Variants in MACROD2 observed in about 807,000 individuals in gnomAD.
MACROD2 encodes the protein ADP-ribose glycohydrolase MACROD2.
A neutral mutation model predicts 70.4 loss-of-function variants in MACROD2; 36 were observed. The observed-to-expected ratio is 0.51, with a 90% CI of 0.39 to 0.68. The LOEUF (loss-of-function observed/expected upper bound fraction) is 0.68. Ranked by LOEUF, MACROD2 falls within the 30% of genes least tolerant of loss-of-function variation. The pLI, the probability that MACROD2 is intolerant of heterozygous loss-of-function variation, is 0.00. For missense variants in MACROD2, 496 were observed against 538.4 expected (o/e 0.92, Z 0.78); for synonymous variants, 172 against 178.8 (o/e 0.96, Z 0.30).
At chr20:15,815,691 C>T (rs895912872) in intron 8 of MACROD2, among the ~76,000 whole-genome samples, 2 of 152,058 alleles carry the variant, frequency 1.3e-5, no homozygotes, top group Non-Finnish European at 2.9e-5. Context: ...GCAAGGACTT[C>T]CTGGAAAAAT....
At chr20:14,032,308 T>C (rs1465211634) in intron 2 of MACROD2, among the ~76,000 whole-genome samples, 1 of 152,166 alleles carries the variant, frequency 6.6e-6, no homozygotes, top group African/African-American at 2.4e-5. Context: ...GTGAGGATTT[T>C]TTGTGAGATT....
intron 6 of MACROD2, among the ~76,000 whole-genome samples, chr20:15,358,444 AT>A (rs11479347): frequency 0.44 from 66,401 of 151,140 alleles, 14,753 homozygotes; most frequent in Non-Finnish European, 0.48. Flanking sequence ...TGTTTTATCA[AT>A]TTTTTTTTTA....
chr20:15,058,139 C>G (rs781520887), intron 5 of MACROD2, among the ~76,000 whole-genome samples: 35 of 152,094 alleles, frequency 2.3e-4, no homozygotes, highest in Non-Finnish European at 4.3e-4. Flanking sequence ...TTTCTACTTT[C>G]TTTTTATACC....
chr20:14,554,983 TA>T (rs1293153231), intron 4 of MACROD2, among the ~76,000 whole-genome samples: 1 of 150,914 alleles, frequency 6.6e-6, no homozygotes, highest in African/African-American at 2.4e-5. Flanking sequence ...AGGTTAGAGG[TA>T]GGGGGTAGGG....
At chr20:15,310,184 C>T (rs1358920981) in intron 6 of MACROD2, among the ~76,000 whole-genome samples, 1 of 152,140 alleles carries the variant, frequency 6.6e-6, no homozygotes, top group African/African-American at 2.4e-5. Context: ...TGGCAGAAAG[C>T]CTGGGAAAGA....
At chr20:14,151,180 A>G (rs1288997198) in intron 3 of MACROD2, among the ~76,000 whole-genome samples, 1 of 152,234 alleles carries the variant, frequency 6.6e-6, no homozygotes, top group East Asian at 1.9e-4. Context: ...TCTTGTATCT[A>G]CTAGTCAAAT....
chr20:14,665,334 T>C (rs1162715589), intron 4 of MACROD2, among the ~76,000 whole-genome samples: 1 of 146,784 alleles, frequency 6.8e-6, no homozygotes, highest in African/African-American at 2.6e-5. Context: ...CAAGAACAGT[T>C]TTTTTTTTTT....
At chr20:14,677,914 TA>T (rs1205642840) in intron 4 of MACROD2, among the ~76,000 whole-genome samples, 3 of 151,878 alleles carry the variant, frequency 2.0e-5, no homozygotes, top group Non-Finnish European at 2.9e-5. Context: ...TGCACAAGTT[TA>T]AAAAAAACAG....
At chr20:14,860,738 C>T (rs2073306602) in intron 5 of MACROD2, among the ~76,000 whole-genome samples, 1 of 152,116 alleles carries the variant, frequency 6.6e-6, no homozygotes, top group South Asian at 2.1e-4. Flanking sequence ...CCTTCCAAGG[C>T]TGTGACCACA....
At chr20:14,694,704 G>A (rs1251949354) in intron 5 of MACROD2, among the ~76,000 whole-genome samples, 2 of 152,078 alleles carry the variant, frequency 1.3e-5, no homozygotes, top group Non-Finnish European at 1.5e-5. Context: ...GTGCAACAGT[G>A]ACTGGTGTTT....
intron 15 of MACROD2, among the ~76,000 whole-genome samples, chr20:16,013,140 A>G (rs1276524028): frequency 6.6e-6 from 1 of 151,780 alleles, no homozygotes; most frequent in Non-Finnish European, 1.5e-5. Context: ...GGATCACGTG[A>G]CTGCACTCCA....
At chr20:14,955,023 A>ATGTATT (rs2074517796) in intron 5 of MACROD2, among the ~76,000 whole-genome samples, 1 of 220 alleles carries the variant, frequency 4.5e-3, no homozygotes, top group African/African-American at 0.018. Context: ...ATTATATATT[A>ATGTATT]TATATTTATA....
Position 14,134,004 on chromosome 20 carries a change from T to G in MACROD2, c.271+48276T>G, listed in dbSNP as rs1014786471. Reference sequence around the variant, plus strand: ...GGGCCATTCTAACTCCAGAGTTCCCTGCGGGATGAGCCAAGACTGTTGGTA... The same window carrying G: ...GGGCCATTCTAACTCCAGAGTTCCCGGCGGGATGAGCCAAGACTGTTGGTA... On this transcript the variant is annotated intron_variant, in intron 3 of 17. Coordinates refer to ENST00000684519, the MANE Select transcript of MACROD2 (RefSeq NM_001351661.2). 3.3e-5 allele frequency among the ~76,000 whole-genome samples: 5 copies of G among 152,380 alleles called. No homozygotes were observed. In the South Asian group the frequency reaches 1.0e-3, roughly 32 times the overall value.
chr20:15,362,105 G>A (rs570375376), intron 6 of MACROD2, among the ~76,000 whole-genome samples: 22 of 151,048 alleles, frequency 1.5e-4, no homozygotes, highest in Non-Finnish European at 2.2e-4. Flanking sequence ...TCCGCCTCCC[G>A]GGTTCAAGCG....
chr20:15,340,143 TTTTTTTTTTTTTTG>T lies in MACROD2; in HGVS notation c.541-91261_541-91248del, dbSNP rs1262700440. ...CTTTCTTTCTTTCTTTTTTTTTTTT[TTTTTTTTTTTTTTG>T]AGATGGAGTCTGGCTCTGTCACCCA... On this transcript the variant is annotated intron_variant, in intron 6 of 17. Transcript: ENST00000684519. Among the ~76,000 whole-genome samples, 681 of 116,184 alleles carry T rather than the reference TTTTTTTTTTTTTTG, an allele frequency of 5.9e-3. 8 individuals carry two copies. The highest frequency in any genetic ancestry group is 0.022 in the African/African-American group (641 of 29,448). The allele number at this position is 116,184 out of a possible 152,430, so 76.2% of individuals were successfully genotyped here.
chr20:15,915,375 A>T (rs560223687), intron 10 of MACROD2, among the ~76,000 whole-genome samples: 1 of 152,240 alleles, frequency 6.6e-6, no homozygotes, highest in South Asian at 2.1e-4. Context: ...TGCTCTTATC[A>T]CTCAGGAAAT....
intron 10 of MACROD2, among the ~76,000 whole-genome samples, chr20:15,927,785 C>A (rs189390670): frequency 4.6e-5 from 7 of 152,302 alleles, no homozygotes; most frequent in Admixed American, 3.3e-4. Context: ...GCTAATGACA[C>A]CTCCAGACAA....
At chr20:14,966,772 C>T (rs948244045) in intron 5 of MACROD2, among the ~76,000 whole-genome samples, 1 of 151,696 alleles carries the variant, frequency 6.6e-6, no homozygotes, top group African/African-American at 2.4e-5. Flanking sequence ...GTTGCATATA[C>T]AAACAATTCA....
At chr20:14,158,934 A>G (rs564875176) in intron 3 of MACROD2, among the ~76,000 whole-genome samples, 9 of 152,076 alleles carry the variant, frequency 5.9e-5, no homozygotes, top group Non-Finnish European at 1.3e-4. Context: ...TGCTTTTTCT[A>G]TTTCTATGAA....
Sources: gnomAD v4.1 joint callset for allele counts (sites outside exome capture counted in the v4.1 genomes callset) on GRCh38, gnomAD v4.1.1 for gene constraint, MANE v1.5 for transcripts, NCBI Gene and HGNC (gene_info 2026-07-23, HGNC 2026-07-21) for gene names.